VKORC1L1: variants seen among roughly 807,000 people sequenced by gnomAD.
The protein encoded by VKORC1L1 is vitamin K epoxide reductase complex subunit 1-like protein 1.
In VKORC1L1, 2 loss-of-function variants were observed where a neutral mutation model predicts 18.9. That is an observed-to-expected ratio of 0.11 (90% CI 0.04 to 0.33). VKORC1L1 has a LOEUF of 0.33. Ranked by LOEUF, VKORC1L1 falls within the 10% of genes least tolerant of loss-of-function variation. The pLI is 1.00. For missense variants in VKORC1L1, 123 were observed against 224.1 expected, an observed-to-expected ratio of 0.55 and a Z score of 2.88; for synonymous variants, 96 against 100.0, an observed-to-expected ratio of 0.96 and a Z score of 0.24.
At chr7:65,935,022 C>G (rs1229582817) in intron 1 of VKORC1L1, among the ~76,000 whole-genome samples, 1 of 149,760 alleles carries the variant, frequency 6.7e-6, no homozygotes, top group Non-Finnish European at 1.5e-5. Context: ...CCACTGCACT[C>G]CAGCCTGGGT....
At chr7:65,869,191 T>C (rs1442484690), upstream of VKORC1L1, among the ~76,000 whole-genome samples, 1 of 151,542 alleles carries the variant, frequency 6.6e-6, no homozygotes, top group Non-Finnish European at 1.5e-5. Context: ...GGCAGGCACC[T>C]GTAGTCTCAG....
intron 1 of VKORC1L1, among the ~76,000 whole-genome samples, chr7:65,885,975 A>G (rs566481548): frequency 3.2e-4 from 48 of 152,368 alleles, no homozygotes; most frequent in African/African-American, 1.1e-3. Context: ...TCTCACTAGC[A>G]GGTCTTTCCA....
At chr7:65,897,285 A>T (rs575878936) in intron 1 of VKORC1L1, among the ~76,000 whole-genome samples, 2 of 152,326 alleles carry the variant, frequency 1.3e-5, no homozygotes, top group East Asian at 3.9e-4. Context: ...TTGAAACTAT[A>T]CTGAAAGCAT....
intron 1 of VKORC1L1, among the ~76,000 whole-genome samples, chr7:65,940,732 G>A (rs906475489): frequency 6.6e-6 from 1 of 152,130 alleles, no homozygotes; most frequent in African/African-American, 2.4e-5. Flanking sequence ...CAATAATAGT[G>A]ACATAGAAAA....
chr7:65,873,102 G>T lies in VKORC1L1; in HGVS notation c.-270G>T, dbSNP rs1472017080. 6.7e-6 allele frequency among the ~76,000 whole-genome samples: 1 copy of T among 149,106 alleles called. No homozygotes were observed. The highest frequency in any genetic ancestry group is 2.0e-4 in the East Asian group (1 of 5,036). ...CTCCGCCCGCCGATCCGGCCTCTTC[G>T]GCCGTTGCGCACTCCACCCCCTCCC... On this transcript the variant is annotated 5_prime_UTR_variant, in exon 1 of 3. Transcript: ENST00000360768.
chr7:65,918,462 A>G (rs905202601), intron 1 of VKORC1L1, among the ~76,000 whole-genome samples: 3 of 152,234 alleles, frequency 2.0e-5, no homozygotes, highest in African/African-American at 7.2e-5. Flanking sequence ...AAGCGCTTTT[A>G]CATAGGAGAG....
intron 1 of VKORC1L1, among the ~76,000 whole-genome samples, chr7:65,891,235 C>G (rs140134276): frequency 0.029 from 4,391 of 151,208 alleles, 104 homozygotes; most frequent in Non-Finnish European, 0.036. Context: ...TAGGTTTTGG[C>G]TATTGTGAAT....
At position 65,875,640 on chromosome 7, in the gene VKORC1L1, A is replaced by G. The variant is rs375236847; in HGVS notation, c.194+2075A>G. On this transcript the variant is annotated intron_variant, in intron 1 of 2. Coordinates refer to ENST00000360768, the MANE Select transcript of VKORC1L1 (RefSeq NM_173517.6). ...CACCATGTTAGCCAGGATGGTCTCG[A>G]TCTCCTGACCTCGTGATCCGCCCTC... 3.6e-3 allele frequency among the ~76,000 whole-genome samples: 542 copies of G among 152,008 alleles called. 6 individuals are homozygous for G. The highest frequency in any genetic ancestry group is 0.013 in the African/African-American group (520 of 41,516).
At chr7:65,946,701 A>T (rs555376913) in intron 1 of VKORC1L1, among the ~76,000 whole-genome samples, 3 of 152,328 alleles carry the variant, frequency 2.0e-5, no homozygotes, top group East Asian at 3.9e-4. Flanking sequence ...TTTAAGGTCC[A>T]CAAGGGCAGC....
At chr7:65,893,829 A>C (rs774188202) in intron 1 of VKORC1L1, among the ~76,000 whole-genome samples, 1 of 152,228 alleles carries the variant, frequency 6.6e-6, no homozygotes, top group Non-Finnish European at 1.5e-5. Flanking sequence ...TGGATAATAA[A>C]TCTTGGTTAT....
At chr7:65,886,788 T>G (rs112947699) in intron 1 of VKORC1L1, among the ~76,000 whole-genome samples, 1 of 144,660 alleles carries the variant, frequency 6.9e-6, no homozygotes, top group Non-Finnish European at 1.5e-5. Context: ...CCACCCACCT[T>G]GGCCTCCCAG....
chr7:65,942,416 C>T (rs1298724777), intron 1 of VKORC1L1, among the ~76,000 whole-genome samples: 2 of 143,514 alleles, frequency 1.4e-5, no homozygotes, highest in Non-Finnish European at 3.0e-5. Context: ...GGCATGAACC[C>T]GGGAGGCGGA....
At chr7:65,909,737 T>TGTGTGTGTGTGTGTGTGTGTGA (rs1491345250) in intron 1 of VKORC1L1, among the ~76,000 whole-genome samples, 2 of 145,268 alleles carry the variant, frequency 1.4e-5, no homozygotes, top group East Asian at 4.1e-4. Context: ...TGTGTGTGTG[T>TGTGTGTGTGTGTGTGTGTGTGA]GACGGAGGCT....
chr7:65,882,314 G>A (rs1487351380), intron 1 of VKORC1L1, among the ~76,000 whole-genome samples: 1 of 151,860 alleles, frequency 6.6e-6, no homozygotes, highest in Non-Finnish European at 1.5e-5. Context: ...AGGAGGCAGA[G>A]GTTGCAGTGA....
intron 1 of VKORC1L1, among the ~76,000 whole-genome samples, chr7:65,895,516 TACACACACAC>T (rs1554395162): frequency 9.8e-5 from 7 of 71,600 alleles, no homozygotes; most frequent in South Asian, 1.2e-3. Context: ...TATATATATA[TACACACACAC>T]ACACACACAC....
At chr7:65,869,712 A>G (rs1281968223), upstream of VKORC1L1, among the ~76,000 whole-genome samples, 2 of 133,908 alleles carry the variant, frequency 1.5e-5, no homozygotes, top group East Asian at 2.2e-4. Context: ...GTGCAGTGGC[A>G]TGATCATAGC....
chr7:65,936,795 G>C (rs542386348), intron 1 of VKORC1L1, among the ~76,000 whole-genome samples: 2 of 152,264 alleles, frequency 1.3e-5, no homozygotes, highest in East Asian at 3.9e-4. Flanking sequence ...CTAGAAAGAT[G>C]GGTTTCTCTC....
intron 1 of VKORC1L1, among the ~76,000 whole-genome samples, chr7:65,877,061 A>G (rs539130112): frequency 5.5e-4 from 83 of 152,272 alleles, no homozygotes; most frequent in South Asian, 1.0e-3. Flanking sequence ...AAAGAAAAAC[A>G]AAAAAACCTA....
intron 1 of VKORC1L1, among the ~76,000 whole-genome samples, chr7:65,881,367 TACTG>T (rs1583821645): frequency 6.6e-6 from 1 of 152,246 alleles, no homozygotes; most frequent in African/African-American, 2.4e-5. Flanking sequence ...AGAGAGTTAA[TACTG>T]AGTGAAAACA....
Sources: gnomAD v4.1 joint callset for allele counts (sites outside exome capture counted in the v4.1 genomes callset) on GRCh38, gnomAD v4.1.1 for gene constraint, MANE v1.5 for transcripts, NCBI Gene and HGNC (gene_info 2026-07-23, HGNC 2026-07-21) for gene names.